Variants in ZPBP observed in about 807,000 individuals in gnomAD.
The protein encoded by ZPBP is zona pellucida-binding protein 1.
A neutral mutation model predicts 44.8 loss-of-function variants in ZPBP; 26 were observed. The observed-to-expected ratio is 0.58, with a 90% CI of 0.43 to 0.81. The LOEUF is 0.81. Among genes scored for constraint, ZPBP ranks in the 30% least tolerant of loss-of-function variants. ZPBP has a pLI of 0.00. For synonymous variants in ZPBP, 174 were observed against 153.2 expected, an observed-to-expected ratio of 1.14 and a Z score of -1.00; for missense variants, 409 against 434.0, an observed-to-expected ratio of 0.94 and a Z score of 0.51.
At chr7:49,989,700 A>T (rs1323386402) in intron 6 of ZPBP, among the ~76,000 whole-genome samples, 1 of 152,174 alleles carries the variant, frequency 6.6e-6, no homozygotes, top group African/African-American at 2.4e-5. Flanking sequence ...ATTCCTGTGA[A>T]CCAACCAGTA....
At chr7:50,071,701 T>C (rs1562607191) in intron 3 of ZPBP, among the ~76,000 whole-genome samples, 1 of 152,176 alleles carries the variant, frequency 6.6e-6, no homozygotes, top group Non-Finnish European at 1.5e-5. Flanking sequence ...GATAGAGCAC[T>C]GGTCAGAGTT....
intron 3 of ZPBP, among the ~76,000 whole-genome samples, chr7:50,068,721 C>G (rs1042276289): frequency 2.0e-5 from 3 of 152,200 alleles, no homozygotes; most frequent in African/African-American, 7.2e-5. Flanking sequence ...GTAGCATTCA[C>G]ACCTATGGAG....
intron 3 of ZPBP, among the ~76,000 whole-genome samples, chr7:50,061,277 G>A (rs1027041812): frequency 1.3e-5 from 2 of 152,078 alleles, no homozygotes; most frequent in Admixed American, 6.6e-5. Context: ...CACCCTCACC[G>A]CTCCTATTAA....
chr7:50,040,516 G>A (rs935445355), intron 4 of ZPBP, among the ~76,000 whole-genome samples: 3 of 152,286 alleles, frequency 2.0e-5, no homozygotes, highest in Non-Finnish European at 4.4e-5. Flanking sequence ...TACAGTGGGC[G>A]AGCTGAAGCA....
rs368850724 is a variant in ZPBP at position 49,937,477 on chromosome 7, C to T, written c.*51G>A. The stretch of plus-strand genomic sequence containing the variant: ...ATAATAATTTATTATGTTAATATTT[C>T]AAATATATACTTTGCATTTAATAAA... On this transcript the variant is annotated 3_prime_UTR_variant, in exon 8 of 8. Coordinates refer to ENST00000046087, the MANE Select transcript of ZPBP (RefSeq NM_007009.3). 1.5e-6 allele frequency: 2 copies of T among 1,326,516 alleles called. No individual in the cohort carries two copies. The highest frequency in any genetic ancestry group is 2.3e-5 in the East Asian group (1 of 43,338). The allele number at this position is 1,326,516 out of a possible 1,614,324, so 82.2% of individuals were successfully genotyped here. A position where few individuals can be genotyped will look rare whatever the true frequency, so the allele number is the denominator to read the frequency against.
chr7:49,968,727 A>C (rs1298855269), intron 7 of ZPBP, among the ~76,000 whole-genome samples: 1 of 152,012 alleles, frequency 6.6e-6, no homozygotes, highest in Non-Finnish European at 1.5e-5. Flanking sequence ...CAATAAGATG[A>C]CTTGCAATTA....
intron 2 of ZPBP, among the ~76,000 whole-genome samples, chr7:49,892,169 C>T (rs1033995164): frequency 1.3e-5 from 2 of 149,908 alleles, no homozygotes; most frequent in African/African-American, 4.9e-5. Context: ...CTCAGCCTCC[C>T]GAGTAGCTGG....
At chr7:49,983,231 G>GA (rs997833311) in intron 7 of ZPBP, 111 bp downstream of exon 7, 3 of 972,486 alleles carry the variant, frequency 3.1e-6, no homozygotes, top group African/African-American at 1.6e-5. Flanking sequence ...AATAAACTAT[G>GA]AAAAAATACC....
At chr7:50,061,065 C>T (rs982706150) in intron 3 of ZPBP, among the ~76,000 whole-genome samples, 7 of 152,166 alleles carry the variant, frequency 4.6e-5, no homozygotes, top group East Asian at 3.9e-4. Context: ...AGAAATCACA[C>T]GATCATCTCA....
intron 6 of ZPBP, among the ~76,000 whole-genome samples, chr7:50,014,256 G>T (rs1409156246): frequency 6.6e-6 from 1 of 151,822 alleles, no homozygotes; most frequent in African/African-American, 2.4e-5. Context: ...TGACATACAG[G>T]CTGATTCTAA....
chr7:50,016,104 C>T (rs867811184), intron 6 of ZPBP, among the ~76,000 whole-genome samples: 4 of 152,138 alleles, frequency 2.6e-5, no homozygotes, highest in Admixed American at 6.6e-5. Flanking sequence ...TATAAAGACA[C>T]ATGGATGTAT....
intron 6 of ZPBP, among the ~76,000 whole-genome samples, chr7:50,008,759 A>G (rs1025571210): frequency 2.6e-5 from 4 of 152,118 alleles, no homozygotes; most frequent in Non-Finnish European, 5.9e-5. Context: ...TACAAACAAT[A>G]TGGTGAAAAG....
intron 7 of ZPBP, among the ~76,000 whole-genome samples, chr7:49,946,239 T>C (rs1239182494): frequency 1.3e-5 from 2 of 152,152 alleles, no homozygotes; most frequent in Admixed American, 1.3e-4. Flanking sequence ...GAGATATGAG[T>C]GTTTATACAC....
chr7:50,011,034 G>C (rs1303027588), intron 6 of ZPBP, among the ~76,000 whole-genome samples: 1 of 151,454 alleles, frequency 6.6e-6, no homozygotes, highest in Non-Finnish European at 1.5e-5. Context: ...CAATGGAACA[G>C]AATACAGAAC....
chr7:49,866,084 C>T (rs779550098), intron 2 of ZPBP, among the ~76,000 whole-genome samples: 1 of 152,088 alleles, frequency 6.6e-6, no homozygotes, highest in Non-Finnish European at 1.5e-5. Flanking sequence ...AAATGTGAAA[C>T]GGTTTCATTC....
At chr7:49,940,582 G>C (rs190630348) in intron 7 of ZPBP, among the ~76,000 whole-genome samples, 11 of 150,722 alleles carry the variant, frequency 7.3e-5, no homozygotes, top group Admixed American at 2.6e-4. Context: ...TAAGTAACTA[G>C]AGACTGGCTA....
rs1484346299 is a variant in ZPBP at position 49,983,455 on chromosome 7, T to C, written c.848A>G (p.Gln283Arg). ...TTCAATATAGTATATTTGAGGTAAT[T>C]GTTCTGCACGTCTGCCAAGAATTTC... ...QVEILGRRAE[Q>R]LPQIYYIEGT... Residue 283 changes from glutamine (Q) to arginine (R), a missense_variant, in exon 7 of 8, where the codon CAA becomes CGA. Physicochemically the swap from Gln to Arg is conservative, Grantham distance 43. Around this residue, in one of 2 missense-constraint regions of ZPBP, gnomAD observed 367 missense variants for 363.1 expected, o/e 1.01. Coordinates refer to ENST00000046087, the MANE Select transcript of ZPBP (RefSeq NM_007009.3). 1 of 1,611,786 alleles carries C rather than the reference T, an allele frequency of 6.2e-7. No individual in the cohort carries two copies. Among genetic ancestry groups the C allele is most frequent in the Admixed American group, 1.7e-5 (1 of 59,908 alleles).
intron 6 of ZPBP, among the ~76,000 whole-genome samples, chr7:50,000,232 G>T (rs1250906930): frequency 1.3e-5 from 2 of 152,076 alleles, no homozygotes; most frequent in South Asian, 4.1e-4. Flanking sequence ...TAATTGCAAA[G>T]CTGTCAATAA....
At chr7:49,879,696 C>T (rs1474031480) in intron 2 of ZPBP, among the ~76,000 whole-genome samples, 1 of 151,934 alleles carries the variant, frequency 6.6e-6, no homozygotes, top group Non-Finnish European at 1.5e-5. Flanking sequence ...CATCCTAGTA[C>T]ATAGTAATTC....
Sources: allele counts gnomAD v4.1 joint callset (sites outside exome capture counted in the v4.1 genomes callset), GRCh38; gene constraint gnomAD v4.1.1; regional missense constraint gnomAD v4.1.1; transcripts MANE v1.5; gene names NCBI Gene and HGNC (gene_info 2026-07-23, HGNC 2026-07-21).